The following PHKB variants were observed in gnomAD, a reference collection of about 807,000 sequenced individuals.
PHKB encodes the protein phosphorylase kinase regulatory subunit beta, also known as phosphorylase b kinase regulatory subunit beta.
A neutral mutation model predicts 152.1 loss-of-function variants in PHKB; 122 were observed. That is an observed-to-expected ratio of 0.80 (90% CI 0.69 to 0.93). PHKB has a LOEUF of 0.93. PHKB is among the 40% of genes least tolerant of loss of function. The pLI is 0.00. For missense variants in PHKB, 1,304 were observed against 1,328.4 expected, an observed-to-expected ratio of 0.98 and a Z score of 0.29; for synonymous variants, 436 against 464.9, an observed-to-expected ratio of 0.94 and a Z score of 0.80.
Position 47,580,416 on chromosome 16 carries a change from G to A in PHKB, c.774+58G>A, listed in dbSNP as rs1971822804. On this transcript the variant is annotated intron_variant, in intron 8 of 30. Coordinates refer to ENST00000323584, the MANE Select transcript of PHKB (RefSeq NM_000293.3). ...TTTGAATTGCACATTTAATTAATTTGGCTATTCATTAACAAAGTCATTTCC... is the reference window on the plus strand; with the variant it reads ...TTTGAATTGCACATTTAATTAATTTAGCTATTCATTAACAAAGTCATTTCC... 9 of 1,227,756 alleles carry A rather than the reference G, an allele frequency of 7.3e-6. No individual in the cohort carries two copies. In the East Asian group the frequency reaches 2.1e-4, roughly 29 times the overall value. 76.1% of individuals were successfully genotyped at this position (1,227,756 alleles called of 1,614,324 possible).
At chr16:47,465,568 T>C (rs181820678) in intron 1 of PHKB, among the ~76,000 whole-genome samples, 1 of 152,230 alleles carries the variant, frequency 6.6e-6, no homozygotes, top group Non-Finnish European at 1.5e-5. Flanking sequence ...TATACATTAC[T>C]TTCAATGTTG....
At chr16:47,595,299 C>T (rs1156774421) in intron 12 of PHKB, among the ~76,000 whole-genome samples, 1 of 152,090 alleles carries the variant, frequency 6.6e-6, no homozygotes, top group Admixed American at 6.6e-5. Flanking sequence ...TGATTTTAGA[C>T]ACAAATATTG....
At chr16:47,611,090 G>A (rs1972419889) in intron 14 of PHKB, among the ~76,000 whole-genome samples, 170 bp downstream of exon 14, 1 of 152,168 alleles carries the variant, frequency 6.6e-6, no homozygotes, top group Non-Finnish European at 1.5e-5. Flanking sequence ...TTGTTAATGA[G>A]GAAGTAGATT....
intron 1 of PHKB, chr16:47,462,994 T>C (rs1398774352): frequency 6.6e-6 from 1 of 152,622 alleles, no homozygotes; most frequent in Non-Finnish European, 1.5e-5. Flanking sequence ...TTGTGTGATA[T>C]AGAAATACTG....
intron 6 of PHKB, among the ~76,000 whole-genome samples, chr16:47,528,487 A>T (rs1970803532): frequency 6.6e-6 from 1 of 152,146 alleles, no homozygotes; most frequent in South Asian, 2.1e-4. Flanking sequence ...ATTTTATGAG[A>T]TTGGTATAAT....
chr16:47,576,664 C>T (rs1971754885), intron 7 of PHKB, among the ~76,000 whole-genome samples: 1 of 152,120 alleles, frequency 6.6e-6, no homozygotes, highest in Non-Finnish European at 1.5e-5. Context: ...TTTAGGATTG[C>T]TATGTCTTCT....
chr16:47,566,041 C>A, intron 7 of PHKB: 1 of 681,480 alleles, frequency 1.5e-6, no homozygotes, highest in South Asian at 1.7e-5. Context: ...CCTCTGTAGT[C>A]ATCATCCCTG....
At chr16:47,546,975 G>A (rs1455355141) in intron 6 of PHKB, among the ~76,000 whole-genome samples, 1 of 152,136 alleles carries the variant, frequency 6.6e-6, no homozygotes, top group African/African-American at 2.4e-5. Context: ...ACAGTATTTA[G>A]GTGACAGTGT....
intron 6 of PHKB, among the ~76,000 whole-genome samples, chr16:47,540,442 A>T (rs868662002): frequency 6.6e-6 from 1 of 152,232 alleles, no homozygotes. Context: ...CCTTTGAAGC[A>T]TGTGATCTTG....
In PHKB at chr16:47,650,998, G is replaced by C. The variant is rs1445578187; in HGVS notation, c.1971+77G>C. On this transcript the variant is annotated intron_variant, in intron 20 of 30. Coordinates refer to ENST00000323584, the MANE Select transcript of PHKB (RefSeq NM_000293.3). ...ATACAGCTATGTTTCTTAATGTATG[G>C]TCTATTTAAGGTTTTTGACTTAAGG... The C allele has an allele frequency of 4.8e-6, 5 of 1,036,064 alleles. No individual in the cohort carries two copies. In the East Asian group the frequency reaches 1.2e-4, roughly 25 times the overall value. The allele number at this position is 1,036,064 out of a possible 1,614,324, so 64.2% of individuals were successfully genotyped here. A position where few individuals can be genotyped will look rare whatever the true frequency, so the allele number is the denominator to read the frequency against.
Position 47,580,288 on chromosome 16 carries a change from C to G in PHKB, c.711-7C>G, listed in dbSNP as rs1181320149. The G allele has an allele frequency of 6.2e-7, 1 of 1,609,310 alleles. No homozygotes were observed. Among genetic ancestry groups the G allele is most frequent in the Admixed American group, 1.7e-5 (1 of 59,982 alleles). Reference sequence around the variant, plus strand: ...AGAGTAATAAAGCATTTCCTTTTCTCTTTTAGCTCGGTTGGTTTAGCAAAA... The same window carrying G: ...AGAGTAATAAAGCATTTCCTTTTCTGTTTTAGCTCGGTTGGTTTAGCAAAA... On this transcript the variant is annotated splice_polypyrimidine_tract_variant and splice_region_variant and intron_variant, in intron 7 of 30. Transcript: ENST00000323584.
chr16:47,513,863 A>T (rs575899145), intron 5 of PHKB, among the ~76,000 whole-genome samples: 2 of 152,356 alleles, frequency 1.3e-5, no homozygotes, highest in African/African-American at 4.8e-5. Context: ...CAATTCACGT[A>T]ACATGTAATT....
intron 7 of PHKB, among the ~76,000 whole-genome samples, chr16:47,569,326 GCT>G (rs1254910883): frequency 6.6e-6 from 1 of 152,012 alleles, no homozygotes; most frequent in Non-Finnish European, 1.5e-5. Context: ...AGCTACTCCT[GCT>G]CTCTTTTGGT....
chr16:47,533,084 G>C (rs1970889409), intron 6 of PHKB, among the ~76,000 whole-genome samples: 1 of 152,114 alleles, frequency 6.6e-6, no homozygotes, highest in South Asian at 2.1e-4. Context: ...CATCTCTGCA[G>C]CTCTCAGCAG....
Position 47,589,088 on chromosome 16 carries a change from C to T in PHKB, c.1054C>T (p.Pro352Ser), listed in dbSNP as rs1197477921. The change falls in exon 10 of 31, where the codon CCA becomes TCA. Residue 352 changes from proline (P) to serine (S), a missense_variant. Transcript: ENST00000323584. Reference sequence around the variant, plus strand: ...AGATCCCAACAGATGCTACTACAAGCCAGCTGAAATTAAGGTATTAAAAAA... The same window carrying T: ...AGATCCCAACAGATGCTACTACAAGTCAGCTGAAATTAAGGTATTAAAAAA... The part of the protein sequence containing the change: ...LEDPNRCYYK[P>S]AEIKLFDGIE... 4 of 1,610,498 alleles carry T rather than the reference C, an allele frequency of 2.5e-6. No homozygotes were observed. The highest frequency in any genetic ancestry group is 3.4e-6 in the Non-Finnish European group (4 of 1,176,944).
At chr16:47,540,869 C>T (rs561530434) in intron 6 of PHKB, among the ~76,000 whole-genome samples, 1 of 138,702 alleles carries the variant, frequency 7.2e-6, no homozygotes, top group Non-Finnish European at 1.5e-5. Context: ...TCCTGTTGCC[C>T]AGGCTGGAGT....
intron 1 of PHKB, among the ~76,000 whole-genome samples, chr16:47,482,015 T>G (rs1258124024): frequency 2.6e-5 from 4 of 152,208 alleles, no homozygotes; most frequent in Non-Finnish European, 5.9e-5. Context: ...AGGCAGTTTC[T>G]CTCTTTTACT....
intron 26 of PHKB, among the ~76,000 whole-genome samples, chr16:47,673,525 T>C (rs1312103309): frequency 6.6e-6 from 1 of 152,152 alleles, no homozygotes; most frequent in Admixed American, 6.6e-5. Flanking sequence ...ACAGAAGATA[T>C]CAGGATGTAG....
intron 6 of PHKB, among the ~76,000 whole-genome samples, chr16:47,542,118 T>G (rs1185421856): frequency 6.6e-6 from 1 of 152,230 alleles, no homozygotes; most frequent in Non-Finnish European, 1.5e-5. Flanking sequence ...TCTAGGGTTT[T>G]TATGGTTTTG....
Sources: gnomAD v4.1 joint callset for allele counts (sites outside exome capture counted in the v4.1 genomes callset) on GRCh38, gnomAD v4.1.1 for gene constraint, MANE v1.5 for transcripts, NCBI Gene and HGNC (gene_info 2026-07-23, HGNC 2026-07-21) for gene names.